The following GIPC2 variants were observed in gnomAD, a reference collection of about 807,000 sequenced individuals.
GIPC2 encodes PDZ domain-containing protein GIPC2.
A neutral mutation model predicts 30.6 loss-of-function variants in GIPC2; 30 were observed. The observed-to-expected ratio is 0.98, with a 90% CI of 0.73 to 1.33. GIPC2 has a LOEUF of 1.33. Among genes scored for constraint, GIPC2 ranks in the 40% most tolerant of loss-of-function variants. GIPC2 has a pLI of 0.00. For missense variants in GIPC2, 414 were observed against 390.3 expected (o/e 1.06, Z -0.51); for synonymous variants, 167 against 150.0 (o/e 1.11, Z -0.83).
chr1:78,072,651 T>C (rs1198950490), intron 1 of GIPC2, among the ~76,000 whole-genome samples: 3 of 152,298 alleles, frequency 2.0e-5, no homozygotes, highest in East Asian at 1.9e-4. Context: ...CAAATAATTA[T>C]TATTTTTTCT....
intron 3 of GIPC2, among the ~76,000 whole-genome samples, chr1:78,107,782 G>A (rs185095266): frequency 7.9e-6 from 1 of 126,876 alleles, no homozygotes; most frequent in African/African-American, 3.0e-5. Context: ...CTGAGATGGT[G>A]CCAACGCACT....
chr1:78,099,938 C>T (rs996727757), intron 3 of GIPC2, among the ~76,000 whole-genome samples: 3 of 152,074 alleles, frequency 2.0e-5, no homozygotes, highest in Admixed American at 6.6e-5. Context: ...GGTGGCGTCA[C>T]AGGAAATGAA....
At chr1:78,079,260 T>C (rs1300023577) in intron 1 of GIPC2, among the ~76,000 whole-genome samples, 2 of 152,218 alleles carry the variant, frequency 1.3e-5, no homozygotes, top group Non-Finnish European at 2.9e-5. Context: ...AGTGGCATTT[T>C]TTTTTGTCCT....
chr1:78,115,641 C>T (rs1662554420), intron 3 of GIPC2, among the ~76,000 whole-genome samples: 1 of 152,188 alleles, frequency 6.6e-6, no homozygotes, highest in African/African-American at 2.4e-5. Flanking sequence ...TCACACAGGA[C>T]ATACTATAAC....
intron 3 of GIPC2, among the ~76,000 whole-genome samples, chr1:78,096,460 T>C (rs1662138515): frequency 6.6e-6 from 1 of 152,102 alleles, no homozygotes; most frequent in Non-Finnish European, 1.5e-5. Context: ...TGATCTCCAC[T>C]ACATAATCTG....
intron 1 of GIPC2, among the ~76,000 whole-genome samples, chr1:78,066,821 A>T (rs757191714): frequency 1.3e-5 from 2 of 152,224 alleles, no homozygotes; most frequent in Non-Finnish European, 2.9e-5. Flanking sequence ...TTATAAGTGG[A>T]AGTGAAATGA....
rs562492207 is a variant in GIPC2, at chr1:78,091,958, T to G, written c.427-2994T>G. 5.4e-5 allele frequency: 61 copies of G among 1,123,040 alleles called. 1 individual carries two copies. In the East Asian group the frequency reaches 1.4e-3, roughly 26 times the overall value. The allele number at this position is 1,123,040 out of a possible 1,614,324, so 69.6% of individuals were successfully genotyped here. A position where few individuals can be genotyped will look rare whatever the true frequency, so the allele number is the denominator to read the frequency against. ...TCCTGTTCTTGGTCATTTTTGCTTC[T>G]TCTTCGTTTTGAAGAACTTCAACCC... is the stretch of plus-strand genomic sequence containing the variant. On this transcript the variant is annotated intron_variant, in intron 2 of 5. Coordinates refer to ENST00000370759, the MANE Select transcript of GIPC2 (RefSeq NM_017655.6).
At chr1:78,128,183 G>T (rs1662818237) in intron 5 of GIPC2, among the ~76,000 whole-genome samples, 1 of 152,040 alleles carries the variant, frequency 6.6e-6, no homozygotes, top group African/African-American at 2.4e-5. Context: ...CAATCCTTTT[G>T]CCTGGCTAAT....
intron 5 of GIPC2, among the ~76,000 whole-genome samples, chr1:78,135,185 G>A (rs183221023): frequency 1.3e-5 from 2 of 152,290 alleles, no homozygotes; most frequent in Non-Finnish European, 2.9e-5. Context: ...TGGGGGACTG[G>A]TGGAGGAGGG....
At chr1:78,065,812 T>C (rs1661498776) in intron 1 of GIPC2, among the ~76,000 whole-genome samples, 1 of 152,148 alleles carries the variant, frequency 6.6e-6, no homozygotes, top group South Asian at 2.1e-4. Flanking sequence ...CCCTATTCAA[T>C]AAATGGTGCT....
At chr1:78,123,982 G>T (rs1242105896) in intron 4 of GIPC2, among the ~76,000 whole-genome samples, 1 of 152,174 alleles carries the variant, frequency 6.6e-6, no homozygotes, top group Non-Finnish European at 1.5e-5. Flanking sequence ...CAAGGAAATA[G>T]ATTTTTATTT....
At chr1:78,100,941 TACAC>T (rs71590709) in intron 3 of GIPC2, among the ~76,000 whole-genome samples, 3,684 of 114,636 alleles carry the variant, frequency 0.032, 206 homozygotes, top group Admixed American at 0.13. Context: ...AAAAAAAAAA[TACAC>T]ACACACACAC....
chr1:78,076,580 G>A (rs573330358), intron 1 of GIPC2, among the ~76,000 whole-genome samples: 8 of 152,164 alleles, frequency 5.3e-5, no homozygotes, highest in South Asian at 2.1e-4. Context: ...GTGTAATGCC[G>A]CTGCTGATCT....
At chr1:78,123,574 G>A (rs993248084) in intron 4 of GIPC2, among the ~76,000 whole-genome samples, 7 of 152,202 alleles carry the variant, frequency 4.6e-5, no homozygotes, top group African/African-American at 1.7e-4. Flanking sequence ...GGTATGGGTT[G>A]TTGAGCAGCT....
intron 2 of GIPC2, among the ~76,000 whole-genome samples, chr1:78,085,598 T>C (rs1300501521): frequency 6.6e-6 from 1 of 151,842 alleles, no homozygotes; most frequent in African/African-American, 2.4e-5. Flanking sequence ...CTGCTTCAAT[T>C]TCATTATTGG....
At chr1:78,083,236 C>G (rs1470081788) in intron 2 of GIPC2, among the ~76,000 whole-genome samples, 1 of 152,040 alleles carries the variant, frequency 6.6e-6, no homozygotes, top group African/African-American at 2.4e-5. Context: ...CTTCCTTAAT[C>G]TAGAATAGTT....
intron 1 of GIPC2, among the ~76,000 whole-genome samples, chr1:78,051,588 C>T (rs1661198540): frequency 6.6e-6 from 1 of 151,478 alleles, no homozygotes; most frequent in Non-Finnish European, 1.5e-5. Flanking sequence ...CAACCTCTGC[C>T]TCCCGGGTTC....
At chr1:78,133,337 T>C (rs554079895) in intron 5 of GIPC2, among the ~76,000 whole-genome samples, 13 of 152,318 alleles carry the variant, frequency 8.5e-5, no homozygotes, top group African/African-American at 3.1e-4. Flanking sequence ...AAGTGTTTCC[T>C]GAGGACCAGC....
intron 4 of GIPC2, 89 bp from the exon 5 acceptor site, chr1:78,125,792 C>A (rs546127172): frequency 4.6e-5 from 32 of 701,294 alleles, no homozygotes; most frequent in Non-Finnish European, 7.5e-5. Flanking sequence ...AATTATGAAC[C>A]GGCTCCACAT....
Sources: gnomAD v4.1 joint callset for allele counts (sites outside exome capture counted in the v4.1 genomes callset) on GRCh38, gnomAD v4.1.1 for gene constraint, MANE v1.5 for transcripts, NCBI Gene and HGNC (gene_info 2026-07-23, HGNC 2026-07-21) for gene names.